FRMD6: variants seen among roughly 807,000 people sequenced by gnomAD.
The protein encoded by FRMD6 is FERM domain-containing protein 6.
In FRMD6, 37 loss-of-function variants were observed where a neutral mutation model predicts 73.2. The ratio of observed to expected loss-of-function variants is 0.51; its 90% CI spans 0.39 to 0.66. FRMD6 has a LOEUF of 0.66. Among genes scored for constraint, FRMD6 ranks in the 30% least tolerant of loss-of-function variants. The pLI, the probability that FRMD6 is intolerant of heterozygous loss-of-function variation, is 0.00. For missense variants in FRMD6, 714 were observed against 780.5 expected (o/e 0.91, Z 1.02); for synonymous variants, 273 against 282.2 (o/e 0.97, Z 0.33).
intron 1 of FRMD6, among the ~76,000 whole-genome samples, chr14:51,550,903 A>G (rs2139435465): frequency 6.6e-6 from 1 of 152,312 alleles, no homozygotes; most frequent in East Asian, 1.9e-4. Context: ...TGCATAATGA[A>G]TGCTTTTGAT....
At chr14:51,694,105 A>G (rs1594746198) in intron 2 of FRMD6, among the ~76,000 whole-genome samples, 1 of 152,178 alleles carries the variant, frequency 6.6e-6, no homozygotes, top group Admixed American at 6.5e-5. Flanking sequence ...GCCTTTTTGC[A>G]TATGGAATAA....
chr14:51,664,409 T>C (rs1893431029), intron 1 of FRMD6, among the ~76,000 whole-genome samples: 1 of 152,258 alleles, frequency 6.6e-6, no homozygotes, highest in Non-Finnish European at 1.5e-5. Flanking sequence ...TCTGTAATAC[T>C]GTCATCAAAA....
At chr14:51,679,611 G>C (rs1031234859) in intron 1 of FRMD6, among the ~76,000 whole-genome samples, 2 of 140,418 alleles carry the variant, frequency 1.4e-5, no homozygotes, top group Non-Finnish European at 3.0e-5. Flanking sequence ...ATCAAAATAA[G>C]TGCCTGAAAA....
At chr14:51,591,412 G>A (rs1258911305) in intron 2 of FRMD6, among the ~76,000 whole-genome samples, 1 of 152,190 alleles carries the variant, frequency 6.6e-6, no homozygotes, top group Non-Finnish European at 1.5e-5. Context: ...CAAAAAAGAT[G>A]CTTGCTCCAC....
chr14:51,438,102 C>CA, the FRMD6 span, among the ~76,000 whole-genome samples: 584 of 152,248 alleles, frequency 3.8e-3, 2 homozygotes, highest in East Asian at 8.9e-3. Flanking sequence ...ATAGAAGGTG[C>CA]AAAGGGTGGG....
intron 12 of FRMD6, chr14:51,723,982 T>G (rs2140679809): frequency 6.6e-6 from 1 of 152,220 alleles, no homozygotes; most frequent in Admixed American, 6.5e-5. Context: ...TTAATAGCCT[T>G]TTATTTGGAT....
At chr14:51,431,265 A>C in the FRMD6 span, among the ~76,000 whole-genome samples, 1 of 152,232 alleles carries the variant, frequency 6.6e-6, no homozygotes, top group African/African-American at 2.4e-5. Flanking sequence ...CTGGTCACCC[A>C]AGCTGGAAGT....
the FRMD6 span, chr14:51,396,953 G>C: frequency 6.6e-6 from 1 of 152,196 alleles, no homozygotes; most frequent in African/African-American, 2.4e-5. Context: ...CACACCATGC[G>C]AGGGGCAGGG....
At chr14:51,708,030 AC>A (rs1201419491) in intron 6 of FRMD6, 47 bp from the exon 7 acceptor site, 10 of 1,589,000 alleles carry the variant, frequency 6.3e-6, no homozygotes, top group Admixed American at 1.7e-5. Context: ...GGTAGAACTT[AC>A]ATCTCTCCAA....
chr14:51,552,624 T>G (rs1469337886), intron 1 of FRMD6, among the ~76,000 whole-genome samples: 1 of 152,236 alleles, frequency 6.6e-6, no homozygotes, highest in African/African-American at 2.4e-5. Context: ...TGGGGTCCAA[T>G]GGCACCAGCT....
the FRMD6 span, among the ~76,000 whole-genome samples, chr14:51,469,350 A>G: frequency 1.3e-5 from 2 of 150,306 alleles, no homozygotes; most frequent in Non-Finnish European, 3.0e-5. Flanking sequence ...CCTATGGCTC[A>G]CGCCTGTAAT....
At chr14:51,612,090 T>C (rs1276881584) in intron 2 of FRMD6, among the ~76,000 whole-genome samples, 1 of 152,230 alleles carries the variant, frequency 6.6e-6, no homozygotes, top group Non-Finnish European at 1.5e-5. Context: ...TGAACACCAA[T>C]TATTTTCATA....
intron 1 of FRMD6, among the ~76,000 whole-genome samples, chr14:51,677,942 A>G (rs1187151050): frequency 6.6e-6 from 1 of 152,122 alleles, no homozygotes; most frequent in Non-Finnish European, 1.5e-5. Flanking sequence ...TCAGGGTGCC[A>G]GGAGAAACTA....
intron 2 of FRMD6, among the ~76,000 whole-genome samples, chr14:51,640,176 C>T (rs755582657): frequency 7.9e-5 from 12 of 152,186 alleles, no homozygotes; most frequent in Admixed American, 3.9e-4. Context: ...GATGCACTGA[C>T]GTCAATGTCC....
the FRMD6 span, among the ~76,000 whole-genome samples, chr14:51,398,644 C>T: frequency 2.0e-5 from 3 of 152,054 alleles, no homozygotes; most frequent in Non-Finnish European, 4.4e-5. Context: ...AACAACCAGG[C>T]TTTTGGAACA....
At chr14:51,530,606 G>A (rs58275353) in intron 1 of FRMD6, among the ~76,000 whole-genome samples, 1,532 of 151,598 alleles carry the variant, frequency 0.01, 26 homozygotes, top group African/African-American at 0.035. Context: ...TCGGCCTCCC[G>A]AGTAGCTGGG....
chr14:51,470,825 A>G, the FRMD6 span, among the ~76,000 whole-genome samples: 4 of 152,102 alleles, frequency 2.6e-5, no homozygotes, highest in African/African-American at 9.7e-5. Context: ...CCATATTGTT[A>G]TTGATTTCTC....
At chr14:51,529,329 T>C (rs1462159400) in intron 1 of FRMD6, among the ~76,000 whole-genome samples, 2 of 152,230 alleles carry the variant, frequency 1.3e-5, no homozygotes, top group Non-Finnish European at 1.5e-5. Context: ...ATCATGAAAA[T>C]GCCTATCTAC....
At chr14:51,511,772 T>G (rs1884325365) in intron 1 of FRMD6, among the ~76,000 whole-genome samples, 1 of 152,056 alleles carries the variant, frequency 6.6e-6, no homozygotes, top group Admixed American at 6.6e-5. Flanking sequence ...AAATACCTAA[T>G]GTAGGTGATG....
Sources: gnomAD v4.1 joint callset for allele counts (sites outside exome capture counted in the v4.1 genomes callset) on GRCh38, gnomAD v4.1.1 for gene constraint, MANE v1.5 for transcripts, NCBI Gene and HGNC (gene_info 2026-07-23, HGNC 2026-07-21) for gene names.